Variants in ITPR1 observed in about 807,000 individuals in gnomAD.
ITPR1 encodes inositol 1,4,5-trisphosphate-gated calcium channel ITPR1.
A neutral mutation model predicts 318.4 loss-of-function variants in ITPR1; 96 were observed. The observed-to-expected ratio is 0.30, with a 90% CI of 0.26 to 0.36. The LOEUF (loss-of-function observed/expected upper bound fraction) is 0.36, where lower values mean the gene tolerates loss of function less well. Among genes scored for constraint, ITPR1 ranks in the 10% least tolerant of loss-of-function variants. The pLI, the probability that ITPR1 is intolerant of heterozygous loss-of-function variation, is 1.00. For synonymous variants in ITPR1, 1,312 were observed against 1,289.9 expected, an observed-to-expected ratio of 1.02 and a Z score of -0.37; for missense variants, 2,440 against 3,460.2, an observed-to-expected ratio of 0.71 and a Z score of 7.40.
intron 21 of ITPR1, among the ~76,000 whole-genome samples, chr3:4,673,861 C>T (rs547043084): frequency 2.0e-5 from 3 of 152,312 alleles, no homozygotes; most frequent in East Asian, 1.9e-4. Context: ...GGATTACAGG[C>T]GTGAGCCACC....
intron 46 of ITPR1, among the ~76,000 whole-genome samples, chr3:4,769,082 T>C (rs2046015148): frequency 6.6e-6 from 1 of 151,948 alleles, no homozygotes; most frequent in African/African-American, 2.4e-5. Flanking sequence ...GTATTTTTAG[T>C]AGAGATGGGT....
chr3:4,595,209 A>C (rs1275716446), intron 4 of ITPR1, among the ~76,000 whole-genome samples: 8 of 152,216 alleles, frequency 5.3e-5, no homozygotes, highest in Non-Finnish European at 1.5e-5. Context: ...TAATTAGCTC[A>C]TGGTTCTGCA....
intron 43 of ITPR1, among the ~76,000 whole-genome samples, chr3:4,734,463 T>C (rs905350077): frequency 6.6e-6 from 1 of 152,198 alleles, no homozygotes; most frequent in African/African-American, 2.4e-5. Flanking sequence ...AAAGGACAGA[T>C]AGACAATTTT....
intron 49 of ITPR1, among the ~76,000 whole-genome samples, chr3:4,781,872 AC>A (rs1173463522): frequency 6.6e-6 from 1 of 152,144 alleles, no homozygotes; most frequent in Non-Finnish European, 1.5e-5. Flanking sequence ...AGTTCCAGCT[AC>A]TTGGGAGGAT....
intron 12 of ITPR1, 30 bp from the exon 13 acceptor site, chr3:4,658,094 G>A (rs1435726112): frequency 6.3e-7 from 1 of 1,587,126 alleles, no homozygotes; most frequent in Non-Finnish European, 8.6e-7. Flanking sequence ...GGCATGCATG[G>A]TTCTTGATTT....
At chr3:4,791,143 C>G (rs1347145751) in intron 52 of ITPR1, among the ~76,000 whole-genome samples, 1 of 152,178 alleles carries the variant, frequency 6.6e-6, no homozygotes. Context: ...AGAATGTTAC[C>G]AAGAGATGCC....
chr3:4,630,316 C>A (rs528700797), intron 5 of ITPR1, among the ~76,000 whole-genome samples: 2 of 151,982 alleles, frequency 1.3e-5, no homozygotes, highest in South Asian at 4.1e-4. Context: ...GGGCTTCAAG[C>A]ATAATCACAA....
intron 4 of ITPR1, among the ~76,000 whole-genome samples, chr3:4,598,001 C>T (rs73104427): frequency 0.022 from 3,387 of 152,248 alleles, 137 homozygotes; most frequent in African/African-American, 0.077. Context: ...AGCTTTCCTG[C>T]GGTGTGATTC....
At chr3:4,729,373 A>G (rs890623737) in intron 42 of ITPR1, among the ~76,000 whole-genome samples, 2 of 152,166 alleles carry the variant, frequency 1.3e-5, no homozygotes, top group African/African-American at 2.4e-5. Flanking sequence ...GGAGTGAAAC[A>G]TTGAGGTGAT....
At chr3:4,711,340 G>A (rs2041353251) in intron 38 of ITPR1, among the ~76,000 whole-genome samples, 1 of 152,008 alleles carries the variant, frequency 6.6e-6, no homozygotes. Context: ...TGTGCATAAG[G>A]GAACTGTGTG....
chr3:4,739,901 G>A (rs2125327807), intron 44 of ITPR1, among the ~76,000 whole-genome samples: 1 of 152,162 alleles, frequency 6.6e-6, no homozygotes, highest in East Asian at 1.9e-4. Context: ...GGTACTGCCT[G>A]GAGTGCCTTG....
At chr3:4,681,767 G>A (rs2094306675) in intron 26 of ITPR1, among the ~76,000 whole-genome samples, 1 of 151,696 alleles carries the variant, frequency 6.6e-6, no homozygotes, top group South Asian at 2.1e-4. Flanking sequence ...AAAGAGAGAG[G>A]GGCTCAAAAC....
At chr3:4,591,169 A>G (rs866497786) in intron 4 of ITPR1, among the ~76,000 whole-genome samples, 10 of 152,330 alleles carry the variant, frequency 6.6e-5, no homozygotes, top group East Asian at 5.8e-4. Flanking sequence ...GCTATTGTGA[A>G]TAGTGCTTCA....
chr3:4,841,568 G>A (rs915739566), intron 61 of ITPR1, among the ~76,000 whole-genome samples: 2 of 152,200 alleles, frequency 1.3e-5, no homozygotes, highest in African/African-American at 4.8e-5. Context: ...AGAACTAAAA[G>A]TCTAGAGTGG....
intron 4 of ITPR1, among the ~76,000 whole-genome samples, chr3:4,597,516 A>G (rs2090937030): frequency 6.6e-6 from 1 of 152,102 alleles, no homozygotes; most frequent in East Asian, 1.9e-4. Flanking sequence ...GGGAAGACAA[A>G]AGGGTGTTGG....
chr3:4,837,155 T>A (rs10865951), intron 61 of ITPR1, among the ~76,000 whole-genome samples: 1 of 151,916 alleles, frequency 6.6e-6, no homozygotes, highest in Admixed American at 6.6e-5. Flanking sequence ...CTTTCAGTGC[T>A]GCTCAGGACA....
intron 61 of ITPR1, among the ~76,000 whole-genome samples, chr3:4,841,197 A>T (rs1004925968): frequency 1.3e-5 from 2 of 152,186 alleles, no homozygotes; most frequent in African/African-American, 4.8e-5. Flanking sequence ...AAAGACAAAG[A>T]AGTAGACCTC....
At chr3:4,633,596 CT>C (rs1575817412) in intron 5 of ITPR1, among the ~76,000 whole-genome samples, 2 of 152,194 alleles carry the variant, frequency 1.3e-5, no homozygotes, top group East Asian at 3.8e-4. Context: ...TGGCTGGATA[CT>C]GTCTATGCTT....
At chr3:4,528,680 C>G (rs1306256169) in intron 4 of ITPR1, among the ~76,000 whole-genome samples, 3 of 152,090 alleles carry the variant, frequency 2.0e-5, no homozygotes, top group Non-Finnish European at 4.4e-5. Flanking sequence ...TACTTTCTGC[C>G]TGTCTTGTTA....
Sources: gnomAD v4.1 joint callset for allele counts (sites outside exome capture counted in the v4.1 genomes callset) on GRCh38, gnomAD v4.1.1 for gene constraint, MANE v1.5 for transcripts, NCBI Gene and HGNC (gene_info 2026-07-23, HGNC 2026-07-21) for gene names.